The following ANK3 variants were observed in gnomAD, a reference collection of about 807,000 sequenced individuals.
ANK3 encodes ankyrin-3.
ANK3 carries 57 observed loss-of-function variants against 370.9 expected under a neutral mutation model. The ratio of observed to expected loss-of-function variants is 0.15; its 90% CI spans 0.12 to 0.19. The LOEUF (loss-of-function observed/expected upper bound fraction) is 0.19. Ranked by LOEUF, ANK3 falls within the 10% of genes least tolerant of loss-of-function variation. The pLI, the probability that ANK3 is intolerant of heterozygous loss-of-function variation, is 1.00. For synonymous variants in ANK3, 1,929 were observed against 1,946.3 expected (o/e 0.99, Z 0.23); for missense variants, 4,439 against 5,302.1 (o/e 0.84, Z 5.06).
chr10:60,176,184 AAAAAAAAAAAAC>A (rs1374187128), intron 18 of ANK3, among the ~76,000 whole-genome samples: 40 of 134,444 alleles, frequency 3.0e-4, no homozygotes, highest in African/African-American at 1.1e-3. Context: ...AAATACAAAA[AAAAAAAAAAAAC>A]AAAAAAAAAC....
chr10:60,169,373 T>TG (rs1454042794), intron 21 of ANK3, among the ~76,000 whole-genome samples: 59 of 150,462 alleles, frequency 3.9e-4, no homozygotes, highest in African/African-American at 1.2e-3. Context: ...AGTTTTTTTT[T>TG]TTTTTTTTTT....
intron 1 of ANK3, among the ~76,000 whole-genome samples, chr10:60,308,791 ACT>A (rs2045749155): frequency 6.6e-6 from 1 of 151,982 alleles, no homozygotes; most frequent in South Asian, 2.1e-4. Flanking sequence ...TACTAATATG[ACT>A]GATTCTAAGG....
rs114415338 is a variant in ANK3 at position 60,483,142 on chromosome 10, T to C, written c.96+132044A>G. ...AAAATTAATGAAGTTATGTATCTTG[T>C]TAGTCCCAAGAATTGGTTATTAAGT... On this transcript the variant is annotated intron_variant, in intron 2 of 43. Transcript: ENST00000373827. Among the ~76,000 whole-genome samples the C allele has an allele frequency of 2.6e-3, 400 of 152,298 alleles. 1 individual carries two copies. The highest frequency in any genetic ancestry group is 8.8e-3 in the African/African-American group (367 of 41,572).
At chr10:60,068,084 G>T in intron 37 of ANK3, 75 bp from the exon 38 acceptor site, 2 of 1,369,856 alleles carry the variant, frequency 1.5e-6, no homozygotes, top group South Asian at 1.3e-5. Flanking sequence ...TTAGCAGTAC[G>T]CAGATTTTAC....
At chr10:60,429,183 ATC>A (rs1320096629) in intron 2 of ANK3, among the ~76,000 whole-genome samples, 2 of 152,154 alleles carry the variant, frequency 1.3e-5, no homozygotes, top group East Asian at 3.9e-4. Context: ...ATGATGCTGA[ATC>A]TCTGTAATCC....
At chr10:60,266,679 A>G (rs1293157284) in intron 5 of ANK3, among the ~76,000 whole-genome samples, 2 of 152,236 alleles carry the variant, frequency 1.3e-5, no homozygotes, top group Non-Finnish European at 2.9e-5. Context: ...GCATAAGCCA[A>G]TTAAAGACAC....
chr10:60,725,029 G>A (rs2079921447), intron 1 of ANK3, among the ~76,000 whole-genome samples: 1 of 151,898 alleles, frequency 6.6e-6, no homozygotes, highest in Non-Finnish European at 1.5e-5. Flanking sequence ...TGGATCCCAC[G>A]CAGGCAGCCA....
chr10:60,362,442 A>G (rs2058752950), intron 1 of ANK3, among the ~76,000 whole-genome samples: 1 of 152,234 alleles, frequency 6.6e-6, no homozygotes, highest in Non-Finnish European at 1.5e-5. Context: ...TATATCATCA[A>G]GAGACTAAAT....
intron 2 of ANK3, among the ~76,000 whole-genome samples, chr10:60,601,135 C>T (rs1773059955): frequency 6.6e-6 from 1 of 151,044 alleles, no homozygotes; most frequent in South Asian, 2.1e-4. Context: ...TTGCAAAGTT[C>T]AATGGATGAT....
intron 25 of ANK3, among the ~76,000 whole-genome samples, chr10:60,120,907 C>T (rs1385052915): frequency 6.6e-6 from 1 of 152,046 alleles, no homozygotes; most frequent in African/African-American, 2.4e-5. Flanking sequence ...TCTGGAGGTT[C>T]CTCGAAAAAC....
chr10:60,188,968 T>G (rs1356045469), intron 16 of ANK3, among the ~76,000 whole-genome samples: 1 of 152,184 alleles, frequency 6.6e-6, no homozygotes, highest in African/African-American at 2.4e-5. Flanking sequence ...GAAATATAAT[T>G]AGTCAATGTG....
intron 1 of ANK3, among the ~76,000 whole-genome samples, chr10:60,351,244 T>C (rs2056804918): frequency 6.6e-6 from 1 of 152,140 alleles, no homozygotes; most frequent in Non-Finnish European, 1.5e-5. Context: ...GAAGATCTAT[T>C]TAGAGATTCA....
chr10:60,720,233 C>T (rs1564617571), intron 1 of ANK3, among the ~76,000 whole-genome samples: 1 of 152,170 alleles, frequency 6.6e-6, no homozygotes, highest in South Asian at 2.1e-4. Flanking sequence ...TAGATGCTCA[C>T]AAGATGGTAG....
At chr10:60,218,529 C>T (rs184184887) in intron 8 of ANK3, among the ~76,000 whole-genome samples, 118 of 152,220 alleles carry the variant, frequency 7.8e-4, no homozygotes, top group Non-Finnish European at 1.3e-3. Context: ...TTTACTTCTC[C>T]TTCACTTATG....
intron 8 of ANK3, among the ~76,000 whole-genome samples, chr10:60,224,177 G>C (rs1177885818): frequency 6.6e-6 from 1 of 151,976 alleles, no homozygotes; most frequent in South Asian, 2.1e-4. Context: ...AGAATGAGAG[G>C]GATGCTGAGT....
Position 60,506,190 on chromosome 10 carries a change from T to C in ANK3, c.96+108996A>G, listed in dbSNP as rs543936443. On this transcript the variant is annotated intron_variant, in intron 2 of 43. Coordinates refer to the ANK3 transcript ENST00000373827. ...GTTATTTCCTTCCCATCCAGTTGTA[T>C]TATTTTACTAACAAAAAAGTGCTGT... Among the ~76,000 whole-genome samples, 42 of 152,260 alleles carry C rather than the reference T, an allele frequency of 2.8e-4. 1 individual carries two copies. The highest frequency in any genetic ancestry group is 9.9e-4 in the African/African-American group (41 of 41,558).
intron 2 of ANK3, among the ~76,000 whole-genome samples, chr10:60,411,443 AAC>A (rs2063558485): frequency 6.6e-6 from 1 of 152,200 alleles, no homozygotes; most frequent in African/African-American, 2.4e-5. Flanking sequence ...ATGAGAAAAT[AAC>A]AACAGCAACT....
rs770759151 is a variant in ANK3, at chr10:60,173,205, T to A, written c.2185-19A>T. 4.1e-4 allele frequency: 636 copies of A among 1,568,708 alleles called. 1 individual carries two copies. The highest frequency in any genetic ancestry group is 5.1e-4 in the Non-Finnish European group (590 of 1,149,204). ...ATCCCATCTGTAATTATTATTTTTT[T>A]AAAAAAGAAGCATCATAATTACACT... On this transcript the variant is annotated intron_variant, in intron 18 of 43. Transcript: ENST00000280772.
chr10:60,633,674 G>A (rs1172982922), intron 1 of ANK3, among the ~76,000 whole-genome samples: 1 of 152,172 alleles, frequency 6.6e-6, no homozygotes, highest in Non-Finnish European at 1.5e-5. Context: ...AGGGAGGTCA[G>A]GACATTGGGT....
Sources: gnomAD v4.1 joint callset for allele counts (sites outside exome capture counted in the v4.1 genomes callset) on GRCh38, gnomAD v4.1.1 for gene constraint, MANE v1.5 for transcripts, NCBI Gene and HGNC (gene_info 2026-07-23, HGNC 2026-07-21) for gene names.